The following FREM3 variants were observed in gnomAD, a reference collection of about 807,000 sequenced individuals.
FREM3 encodes the protein FRAS1 related extracellular matrix 3, also known as FRAS1-related extracellular matrix protein 3.
In FREM3, 105 loss-of-function variants were observed where a neutral mutation model predicts 129.1. The ratio of observed to expected loss-of-function variants is 0.81; its 90% CI spans 0.69 to 0.96. FREM3 has a LOEUF of 0.96. Ranked by LOEUF, FREM3 falls within the 40% of genes least tolerant of loss-of-function variation. The probability of loss-of-function intolerance (pLI) is 0.00; values close to 1 mark genes in which losing one functional copy is unlikely to be tolerated. For synonymous variants in FREM3, 1,014 were observed against 1,044.9 expected (o/e 0.97, Z 0.57); for missense variants, 2,593 against 2,666.3 (o/e 0.97, Z 0.61).
chr4:143,602,554 C>T (rs73852632), intron 6 of FREM3, among the ~76,000 whole-genome samples: 3,238 of 152,170 alleles, frequency 0.021, 124 homozygotes, highest in African/African-American at 0.074. Flanking sequence ...GGGAGGAAGT[C>T]ACACCTCAGA....
At chr4:143,685,137 C>G (rs918416053) in intron 2 of FREM3, among the ~76,000 whole-genome samples, 2 of 152,080 alleles carry the variant, frequency 1.3e-5, no homozygotes, top group African/African-American at 4.8e-5. Context: ...CATCCAAATA[C>G]CAGAAGCACA....
chr4:143,659,050 G>GC (rs577712416), intron 2 of FREM3, among the ~76,000 whole-genome samples: 1 of 139,644 alleles, frequency 7.2e-6, no homozygotes, highest in East Asian at 2.0e-4. Flanking sequence ...TTTTTTATGT[G>GC]CCCCCACTTG....
intron 3 of FREM3, among the ~76,000 whole-genome samples, chr4:143,627,020 T>C (rs1361980694): frequency 2.0e-5 from 3 of 152,166 alleles, no homozygotes; most frequent in Admixed American, 2.0e-4. Context: ...TTAGAACAAC[T>C]ACTGTTAATT....
Position 143,696,795 on chromosome 4 carries a change from T to G in FREM3, c.3881A>C (p.Lys1294Thr), listed in dbSNP as rs1479242622. 2.0e-6 allele frequency: 3 copies of G among 1,537,838 alleles called. No homozygotes were observed. Among genetic ancestry groups the G allele is most frequent in the East Asian group, 4.9e-5 (2 of 40,910 alleles). Reference protein sequence around the residue: ...LSDGKHTTHRKVPIVVTLVDD... With the variant: ...LSDGKHTTHRTVPIVVTLVDD... Reference sequence around the variant, plus strand: ...CACTAGGGTCACTACAATGGGTACCTTCCTGTGGGTTGTGTGCTTGCCGTC... The same window carrying G: ...CACTAGGGTCACTACAATGGGTACCGTCCTGTGGGTTGTGTGCTTGCCGTC... The change falls in exon 1 of 8, where the codon AAG becomes ACG. Residue 1294 changes from lysine to threonine, a missense_variant. By Grantham distance (78) the Lys-to-Thr change is moderately conservative (BLOSUM62 -1). Transcript: ENST00000329798.
At chr4:143,663,160 T>C (rs1480233525) in intron 2 of FREM3, among the ~76,000 whole-genome samples, 2 of 152,192 alleles carry the variant, frequency 1.3e-5, no homozygotes, top group East Asian at 1.9e-4. Context: ...CGTTAGTTGA[T>C]GCAGTTTCTT....
chr4:143,588,887 A>T (rs2149834306), intron 6 of FREM3, among the ~76,000 whole-genome samples: 1 of 150,722 alleles, frequency 6.6e-6, no homozygotes, highest in South Asian at 2.1e-4. Flanking sequence ...CTATTTCTCC[A>T]CATCCTCTCC....
At chr4:143,680,055 A>C (rs920138819) in intron 2 of FREM3, among the ~76,000 whole-genome samples, 13 of 152,062 alleles carry the variant, frequency 8.5e-5, no homozygotes, top group African/African-American at 3.1e-4. Context: ...CTTAAATGGA[A>C]ATTGCCACCT....
intron 2 of FREM3, among the ~76,000 whole-genome samples, chr4:143,644,916 T>C (rs1739386512): frequency 6.6e-6 from 1 of 152,164 alleles, no homozygotes; most frequent in Non-Finnish European, 1.5e-5. Context: ...AAATGCACCA[T>C]TTCCCCTCAA....
intron 3 of FREM3, among the ~76,000 whole-genome samples, chr4:143,625,953 AC>A (rs768308908): frequency 3.9e-5 from 6 of 152,222 alleles, no homozygotes; most frequent in Non-Finnish European, 8.8e-5. Context: ...ATTTACTTAC[AC>A]ATAAGGAAAC....
In FREM3 at chr4:143,695,908, T is replaced by C. The variant is rs1560876205; in HGVS notation, c.4768A>G (p.Ser1590Gly). Residue 1590 changes from serine to glycine, a missense_variant, in exon 1 of 8, where the codon AGC (serine) becomes GGC (glycine). Transcript: ENST00000329798. The part of the protein sequence containing the change: ...PMHGKILYNG[S>G]RPVTTFTKQD... ...TTGGTGAAAGTGGTCACGGGACGGC[T>C]ACCATTGTACAAAATCTTGCCATGC... is the stretch of plus-strand genomic sequence containing the variant. 6 of 1,537,624 alleles carry C rather than the reference T, an allele frequency of 3.9e-6. No homozygotes were observed. Among genetic ancestry groups the C allele is most frequent in the Non-Finnish European group, 5.2e-6 (6 of 1,147,046 alleles).
chr4:143,635,157 A>G (rs1739213483), intron 2 of FREM3, among the ~76,000 whole-genome samples: 1 of 152,178 alleles, frequency 6.6e-6, no homozygotes, highest in African/African-American at 2.4e-5. Flanking sequence ...ACCAAGAACT[A>G]AACTTTGGGG....
At chr4:143,621,231 G>A (rs1365496013) in intron 4 of FREM3, 69 bp from the exon 5 acceptor site, 1 of 1,404,118 alleles carries the variant, frequency 7.1e-7, no homozygotes, top group Admixed American at 2.0e-5. Context: ...ACACACCTGA[G>A]CAGAAATGTA....
At chr4:143,661,723 G>C (rs964802525) in intron 2 of FREM3, among the ~76,000 whole-genome samples, 9 of 152,182 alleles carry the variant, frequency 5.9e-5, no homozygotes, top group East Asian at 3.9e-4. Flanking sequence ...TGGTCCTGGA[G>C]TCTTTTTGGT....
chr4:143,647,397 A>G (rs1739437942), intron 2 of FREM3, among the ~76,000 whole-genome samples: 1 of 152,210 alleles, frequency 6.6e-6, no homozygotes, highest in Non-Finnish European at 1.5e-5. Context: ...GAGGAGCCAA[A>G]TGTTAGTCAC....
intron 2 of FREM3, among the ~76,000 whole-genome samples, chr4:143,671,567 T>C (rs1739965302): frequency 6.6e-6 from 1 of 152,326 alleles, no homozygotes; most frequent in Admixed American, 6.5e-5. Context: ...AAGAAAACTT[T>C]TGTTTTTTGA....
At chr4:143,578,267 G>C (rs963104629) in intron 7 of FREM3, among the ~76,000 whole-genome samples, 1 of 152,042 alleles carries the variant, frequency 6.6e-6, no homozygotes, top group African/African-American at 2.4e-5. Context: ...CCAGACATCT[G>C]TTTTAATCTC....
chr4:143,581,502 G>T (rs1383865497), intron 7 of FREM3, among the ~76,000 whole-genome samples: 2 of 152,066 alleles, frequency 1.3e-5, no homozygotes, highest in Admixed American at 1.3e-4. Context: ...CCTGCCCCTG[G>T]CTGAGCATTC....
chr4:143,615,022 G>A lies in FREM3; in HGVS notation c.5780-3495C>T, dbSNP rs115097341. Among the ~76,000 whole-genome samples the A allele has an allele frequency of 6.8e-3, 1,042 of 152,264 alleles. 17 individuals are homozygous for A. The highest frequency in any genetic ancestry group is 0.024 in the African/African-American group (998 of 41,556). On this transcript the variant is annotated intron_variant, in intron 5 of 7. Coordinates refer to ENST00000329798, the MANE Select transcript of FREM3 (RefSeq NM_001168235.2). ...AAAAATTAATAACTTATTTACAAAA[G>A]AGTATTTATGGCTCAGTCTCTGTGG...
At chr4:143,604,464 A>C (rs1314080681) in intron 6 of FREM3, among the ~76,000 whole-genome samples, 1 of 151,982 alleles carries the variant, frequency 6.6e-6, no homozygotes, top group Non-Finnish European at 1.5e-5. Context: ...GCTCAGATAA[A>C]CTCTATATTA....
Sources: allele counts gnomAD v4.1 joint callset (sites outside exome capture counted in the v4.1 genomes callset), GRCh38; gene constraint gnomAD v4.1.1; transcripts MANE v1.5; gene names NCBI Gene and HGNC (gene_info 2026-07-23, HGNC 2026-07-21).